Variants in TGS1 observed in about 807,000 individuals in gnomAD.
TGS1 encodes the protein trimethylguanosine synthase 1.
A neutral mutation model predicts 92.2 loss-of-function variants in TGS1; 69 were observed. That is an observed-to-expected ratio of 0.75 (90% CI 0.62 to 0.91). TGS1 has a LOEUF of 0.91. TGS1 is among the 40% of genes least tolerant of loss of function. TGS1 has a pLI of 0.00. For missense variants in TGS1, 1,062 were observed against 1,001.2 expected, an observed-to-expected ratio of 1.06 and a Z score of -0.82; for synonymous variants, 345 against 338.1, an observed-to-expected ratio of 1.02 and a Z score of -0.22.
At chr8:55,793,759 TTTATTTATTTATTTA>T (rs1359349757) in intron 6 of TGS1, among the ~76,000 whole-genome samples, 4 of 150,098 alleles carry the variant, frequency 2.7e-5, no homozygotes, top group African/African-American at 7.4e-5. Flanking sequence ...TATTTATTTA[TTTATTTATTTATTTA>T]TTTTTTAATT....
chr8:55,819,350 G>A (rs1803572542), intron 12 of TGS1, among the ~76,000 whole-genome samples: 1 of 137,528 alleles, frequency 7.3e-6, no homozygotes, highest in Admixed American at 8.1e-5. Context: ...AGGCTGGAGT[G>A]CAATGGCCTG....
At chr8:55,796,644 C>T (rs187604435) in intron 7 of TGS1, among the ~76,000 whole-genome samples, 11 of 148,660 alleles carry the variant, frequency 7.4e-5, no homozygotes, top group African/African-American at 2.0e-4. Flanking sequence ...GCCGAGATCG[C>T]GCCTTTTCAC....
intron 8 of TGS1, 106 bp downstream of exon 8, chr8:55,799,326 C>A: frequency 9.4e-7 from 1 of 1,066,988 alleles, no homozygotes; most frequent in Non-Finnish European, 1.3e-6. Context: ...CCTAAGGAGT[C>A]ACTGCTACTT....
At chr8:55,821,733 T>G (rs1803642465) in intron 12 of TGS1, among the ~76,000 whole-genome samples, 1 of 151,314 alleles carries the variant, frequency 6.6e-6, no homozygotes, top group Admixed American at 6.6e-5. Flanking sequence ...ATTAGCCGGG[T>G]GTGGTGGCGG....
At chr8:55,816,043 T>G (rs1247033546) in intron 12 of TGS1, among the ~76,000 whole-genome samples, 1 of 152,034 alleles carries the variant, frequency 6.6e-6, no homozygotes, top group Non-Finnish European at 1.5e-5. Flanking sequence ...AACCTCAAAT[T>G]CCTGGGCTCA....
chr8:55,814,660 A>T (rs570973633), intron 12 of TGS1, among the ~76,000 whole-genome samples: 2,041 of 111,446 alleles, frequency 0.018, 56 homozygotes, highest in African/African-American at 0.076. Context: ...GTCTCTACTT[A>T]AAAAAAAAAA....
intron 8 of TGS1, among the ~76,000 whole-genome samples, chr8:55,801,582 C>CTTTTTTTT (rs1212417955): frequency 1.2e-4 from 6 of 48,200 alleles, no homozygotes; most frequent in Admixed American, 3.5e-4. Flanking sequence ...CCCCATCGTT[C>CTTTTTTTT]TTTTTTTTTT....
intron 4 of TGS1, 166 bp from the exon 5 acceptor site, chr8:55,790,016 C>T: frequency 1.7e-6 from 1 of 580,502 alleles, no homozygotes. Context: ...TTAAAATGCT[C>T]AGACTCTGCA....
intron 11 of TGS1, among the ~76,000 whole-genome samples, chr8:55,811,755 C>G (rs1325081589): frequency 6.6e-6 from 1 of 151,852 alleles, no homozygotes; most frequent in African/African-American, 2.4e-5. Flanking sequence ...AGCGAGACTC[C>G]ATTTCAAAAA....
chr8:55,802,336 C>A (rs890085843), intron 8 of TGS1, 121 bp from the exon 9 acceptor site: 1 of 735,814 alleles, frequency 1.4e-6, no homozygotes, highest in Non-Finnish European at 2.2e-6. Flanking sequence ...TTTCTCTGGG[C>A]GTGTCATTAT....
intron 6 of TGS1, among the ~76,000 whole-genome samples, chr8:55,794,544 G>C (rs1249555397): frequency 1.3e-5 from 2 of 152,266 alleles, no homozygotes; most frequent in East Asian, 3.9e-4. Context: ...TAAGAAGATT[G>C]CCTGAAGCCA....
chr8:55,792,747 G>T lies in TGS1; in HGVS notation c.1330G>T (p.Gly444Cys). Residue 444 changes from glycine to cysteine, a missense_variant, in exon 6 of 13, where the codon GGT becomes TGT. Gly to Cys is a radical substitution (Grantham distance 159, BLOSUM62 -3). Coordinates refer to ENST00000260129, the MANE Select transcript of TGS1 (RefSeq NM_024831.8). ...ENPASDFDDSGSLLGFKYGSG... is the reference protein window; with the variant it reads ...ENPASDFDDSCSLLGFKYGSG... ...CCCAGCTTCAGACTTTGATGACAGT[G>T]GTTCCCTTCTAGGATTCAAGTATGG... The T allele has an allele frequency of 6.2e-7, 1 of 1,613,774 alleles. No individual in the cohort carries two copies. Among genetic ancestry groups the T allele is most frequent in the East Asian group, 2.2e-5 (1 of 44,850 alleles).
At position 55,786,273 on chromosome 8, in the gene TGS1, A is replaced by G. The variant is rs1554559429; in HGVS notation, c.375A>G (p.Lys125=). Residue 125 remains lysine (K), a synonymous_variant, in exon 4 of 13, where the codon AAA becomes AAG. Transcript: ENST00000260129. ...SMNTRNKVKI[K]KKKHQKKYLD... ...ATACTAGAAATAAAGTTAAAATAAA[A>G]AAGAAAAAACATCAAAAGAAATACT... 1 of 1,507,198 alleles carries G rather than the reference A, an allele frequency of 6.6e-7. No homozygotes were observed. Among genetic ancestry groups the G allele is most frequent in the Non-Finnish European group, 9.0e-7 (1 of 1,114,676 alleles). The allele number at this position is 1,507,198 out of a possible 1,614,324, so 93.4% of individuals were successfully genotyped here.
chr8:55,773,665 T>A lies in TGS1; in HGVS notation c.47T>A (p.Ile16Asn), dbSNP rs1818. Reference protein sequence around the residue: ...WSRVAEMFLFIEEREDCKILC... With the variant: ...WSRVAEMFLFNEEREDCKILC... ...CGCGTGGCGGAAATGTTTCTCTTCA[T>A]TGAGGAGCGGGAGGATTGTAAGATA... The change falls in exon 1 of 13, where the codon ATT (isoleucine) becomes AAT (asparagine). Residue 16 changes from isoleucine to asparagine, a missense_variant. By Grantham distance (149) the Ile-to-Asn change is moderately radical. Transcript: ENST00000260129. 5 of 1,610,734 alleles carry A rather than the reference T, an allele frequency of 3.1e-6. No individual in the cohort carries two copies. The highest frequency in any genetic ancestry group is 1.1e-5 in the South Asian group (1 of 90,352).
In TGS1 at chr8:55,786,927, T is replaced by C. The variant is rs373681202; in HGVS notation, c.1029T>C (p.Asp343=). ...AATTAGATTCCTGTACAAGTCATGATGGTCATCAACAGCTAAGTGAAGTTA... is the reference window on the plus strand; with the variant it reads ...AATTAGATTCCTGTACAAGTCATGACGGTCATCAACAGCTAAGTGAAGTTA... The part of the protein sequence containing the change: ...QSQLDSCTSH[D]GHQQLSEVSS... The change falls in exon 4 of 13, where the codon GAT becomes GAC. Residue 343 remains aspartate (D), a synonymous_variant. Coordinates refer to ENST00000260129, the MANE Select transcript of TGS1 (RefSeq NM_024831.8). 1.9e-5 allele frequency: 30 copies of C among 1,614,052 alleles called. No individual in the cohort carries two copies. The highest frequency in any genetic ancestry group is 2.4e-5 in the Non-Finnish European group (28 of 1,180,038).
intron 7 of TGS1, 87 bp downstream of exon 7, chr8:55,796,239 C>G (rs916218012): frequency 5.0e-6 from 5 of 1,006,232 alleles, no homozygotes; most frequent in Non-Finnish European, 7.2e-6. Flanking sequence ...AAATAGGAAG[C>G]TTGTTTCTAC....
chr8:55,784,991 T>C (rs978015710), intron 2 of TGS1, among the ~76,000 whole-genome samples: 2 of 152,192 alleles, frequency 1.3e-5, no homozygotes, highest in Admixed American at 1.3e-4. Flanking sequence ...AAGAAATTGA[T>C]TCTTCCGTTG....
At chr8:55,791,780 A>G (rs528810274) in intron 5 of TGS1, among the ~76,000 whole-genome samples, 3 of 152,250 alleles carry the variant, frequency 2.0e-5, no homozygotes, top group African/African-American at 7.2e-5. Flanking sequence ...TTTTTTTGGT[A>G]TTCATCTCTA....
chr8:55,820,553 CA>C (rs536052237), intron 12 of TGS1, among the ~76,000 whole-genome samples: 6 of 150,668 alleles, frequency 4.0e-5, no homozygotes, highest in African/African-American at 7.3e-5. Context: ...CAAAACAAAA[CA>C]AAAAAAAAGT....
Sources: gnomAD v4.1 joint callset for allele counts (sites outside exome capture counted in the v4.1 genomes callset) on GRCh38, gnomAD v4.1.1 for gene constraint, MANE v1.5 for transcripts, NCBI Gene and HGNC (gene_info 2026-07-23, HGNC 2026-07-21) for gene names.